Variants in LRRC4C observed in about 807,000 individuals in gnomAD.
LRRC4C encodes leucine rich repeat containing 4C.
A neutral mutation model predicts 33.6 loss-of-function variants in LRRC4C; 5 were observed. That is an observed-to-expected ratio of 0.15 (90% CI 0.08 to 0.31). The LOEUF is 0.31. Ranked by LOEUF, LRRC4C falls within the 10% of genes least tolerant of loss-of-function variation. The probability of loss-of-function intolerance (pLI) is 1.00; values close to 1 mark genes in which losing one functional copy is unlikely to be tolerated. For missense variants in LRRC4C, 560 were observed against 796.7 expected (o/e 0.70, Z 3.58); for synonymous variants, 329 against 302.0 (o/e 1.09, Z -0.93).
At chr11:40,275,176 T>G (rs1462325835) in intron 4 of LRRC4C, among the ~76,000 whole-genome samples, 1 of 152,218 alleles carries the variant, frequency 6.6e-6, no homozygotes, top group East Asian at 1.9e-4. Flanking sequence ...AATTTAATTA[T>G]GTGAGAAATA....
At chr11:40,555,063 T>C (rs1318790888) in intron 3 of LRRC4C, among the ~76,000 whole-genome samples, 2 of 152,190 alleles carry the variant, frequency 1.3e-5, no homozygotes, top group Non-Finnish European at 2.9e-5. Flanking sequence ...TTGAATGTTA[T>C]TGAGGTACAG....
chr11:40,826,392 T>C (rs1952170982), intron 2 of LRRC4C, among the ~76,000 whole-genome samples: 1 of 151,954 alleles, frequency 6.6e-6, no homozygotes, highest in South Asian at 2.1e-4. Flanking sequence ...AATAGAGTCC[T>C]GATGAGCTGC....
intron 3 of LRRC4C, among the ~76,000 whole-genome samples, chr11:40,508,105 A>G (rs1955128989): frequency 6.6e-6 from 1 of 152,190 alleles, no homozygotes; most frequent in Admixed American, 6.5e-5. Context: ...AAGCCAGATC[A>G]AATACTGTAC....
At chr11:40,713,628 A>G (rs1366402723) in intron 2 of LRRC4C, among the ~76,000 whole-genome samples, 1 of 152,224 alleles carries the variant, frequency 6.6e-6, no homozygotes, top group Non-Finnish European at 1.5e-5. Flanking sequence ...TTTACAGAGA[A>G]GTCAGGCTAT....
chr11:40,228,880 T>G (rs1864997692), intron 5 of LRRC4C, among the ~76,000 whole-genome samples: 1 of 152,228 alleles, frequency 6.6e-6, no homozygotes, highest in Non-Finnish European at 1.5e-5. Flanking sequence ...CAAAATCTAT[T>G]TACTCAGCAA....
chr11:40,743,261 T>G (rs1948250105), intron 2 of LRRC4C, among the ~76,000 whole-genome samples: 1 of 152,100 alleles, frequency 6.6e-6, no homozygotes, highest in Non-Finnish European at 1.5e-5. Context: ...AAGTGTGTTA[T>G]GACTGTAAGC....
chr11:40,174,111 T>C (rs1437628626), intron 5 of LRRC4C, among the ~76,000 whole-genome samples: 1 of 152,118 alleles, frequency 6.6e-6, no homozygotes, highest in African/African-American at 2.4e-5. Context: ...TAAGAGATAA[T>C]GCATGCATGG....
At chr11:40,496,015 A>G (rs1329167445) in intron 3 of LRRC4C, among the ~76,000 whole-genome samples, 1 of 151,504 alleles carries the variant, frequency 6.6e-6, no homozygotes, top group Non-Finnish European at 1.5e-5. Context: ...TTTTCAGTAG[A>G]GACGTGGTTT....
At chr11:41,118,261 G>A (rs1942242546) in intron 1 of LRRC4C, among the ~76,000 whole-genome samples, 1 of 152,142 alleles carries the variant, frequency 6.6e-6, no homozygotes, top group South Asian at 2.1e-4. Flanking sequence ...AGAAAGATGT[G>A]GAGCTTGGCT....
At chr11:40,601,866 C>G (rs1158211893) in intron 3 of LRRC4C, among the ~76,000 whole-genome samples, 1 of 152,000 alleles carries the variant, frequency 6.6e-6, no homozygotes, top group Non-Finnish European at 1.5e-5. Context: ...TAATGTACAG[C>G]TAACATGCCT....
intron 1 of LRRC4C, among the ~76,000 whole-genome samples, chr11:41,279,293 G>T (rs866809254): frequency 1.3e-5 from 2 of 151,402 alleles, no homozygotes; most frequent in Admixed American, 1.3e-4. Context: ...GTTTTGAAAG[G>T]CTTCCATGAC....
At chr11:40,749,976 C>T (rs1292982961) in intron 2 of LRRC4C, among the ~76,000 whole-genome samples, 2 of 152,070 alleles carry the variant, frequency 1.3e-5, no homozygotes, top group Non-Finnish European at 2.9e-5. Context: ...TTAGTAACGA[C>T]ATTGAATCAG....
intron 6 of LRRC4C, among the ~76,000 whole-genome samples, chr11:40,132,289 T>A (rs1026820798): frequency 6.6e-6 from 1 of 152,202 alleles, no homozygotes; most frequent in East Asian, 1.9e-4. Flanking sequence ...AAAACCCAGG[T>A]CTTGAGTAAA....
intron 2 of LRRC4C, among the ~76,000 whole-genome samples, chr11:40,760,840 TAC>T (rs985744104): frequency 2.3e-3 from 331 of 146,734 alleles, no homozygotes; most frequent in Non-Finnish European, 3.9e-3. Flanking sequence ...TATATATATA[TAC>T]ACACACATAT....
At chr11:40,564,145 G>A (rs1957662596) in intron 3 of LRRC4C, among the ~76,000 whole-genome samples, 1 of 152,276 alleles carries the variant, frequency 6.6e-6, no homozygotes, top group East Asian at 1.9e-4. Context: ...GTTGACTTGT[G>A]GGTACTTTCT....
chr11:40,190,566 T>C lies in LRRC4C; in HGVS notation c.-95-49713A>G, dbSNP rs189919096. 2.0e-3 allele frequency among the ~76,000 whole-genome samples: 310 copies of C among 152,340 alleles called. 2 individuals carry two copies. The highest frequency in any genetic ancestry group is 7.0e-3 in the African/African-American group (290 of 41,578). Reference sequence around the variant, plus strand: ...ACAGATGCATTTAATTAGCAGTTTGTGTCATCAATTAGAACATGAACTCGA... The same window carrying C: ...ACAGATGCATTTAATTAGCAGTTTGCGTCATCAATTAGAACATGAACTCGA... On this transcript the variant is annotated intron_variant, in intron 5 of 6. Transcript: ENST00000528697.
chr11:40,250,608 C>T (rs554965396), intron 4 of LRRC4C, among the ~76,000 whole-genome samples: 5 of 151,938 alleles, frequency 3.3e-5, no homozygotes, highest in South Asian at 2.1e-4. Flanking sequence ...GGCATGGTGG[C>T]GGGCGCCTGT....
intron 3 of LRRC4C, among the ~76,000 whole-genome samples, chr11:40,511,586 G>A (rs1219620305): frequency 6.6e-6 from 1 of 152,152 alleles, no homozygotes; most frequent in Non-Finnish European, 1.5e-5. Context: ...TGCCTGGCTT[G>A]ATATCTCATA....
intron 1 of LRRC4C, among the ~76,000 whole-genome samples, chr11:41,259,457 C>G (rs1948906329): frequency 1.3e-5 from 2 of 151,946 alleles, no homozygotes; most frequent in African/African-American, 4.8e-5. Context: ...TTTTATGAAA[C>G]AATTATATCT....
Sources: allele counts gnomAD v4.1 joint callset (sites outside exome capture counted in the v4.1 genomes callset), GRCh38; gene constraint gnomAD v4.1.1; transcripts MANE v1.5; gene names NCBI Gene and HGNC (gene_info 2026-07-23, HGNC 2026-07-21).